AKAP13: variants seen among roughly 807,000 people sequenced by gnomAD.
The protein encoded by AKAP13 is A-kinase anchoring protein 13.
AKAP13 carries 80 observed loss-of-function variants against 264.5 expected under a neutral mutation model. The observed-to-expected ratio is 0.30, with a 90% CI of 0.25 to 0.36. The LOEUF (loss-of-function observed/expected upper bound fraction) is 0.36. Ranked by LOEUF, AKAP13 falls within the 10% of genes least tolerant of loss-of-function variation. The pLI is 1.00. For synonymous variants in AKAP13, 1,380 were observed against 1,250.2 expected (o/e 1.10, Z -2.19); for missense variants, 3,712 against 3,435.2 (o/e 1.08, Z -2.01).
In AKAP13 at chr15:85,655,890, T is replaced by A. The variant is rs996647877; in HGVS notation, c.4745+103T>A. The A allele has an allele frequency of 2.0e-6, 3 of 1,468,986 alleles. No individual in the cohort carries two copies. In the African/African-American group the frequency reaches 4.2e-5, roughly 21 times the overall value. The allele number at this position is 1,468,986 out of a possible 1,614,324, so 91.0% of individuals were successfully genotyped here. A position where few individuals can be genotyped will look rare whatever the true frequency, so the allele number is the denominator to read the frequency against. ...TAAAAGAATTTAGGAGACCCCATAGTATAGAAGAAAGAATATAGGCTTTGG... is the reference window on the plus strand; with the variant it reads ...TAAAAGAATTTAGGAGACCCCATAGAATAGAAGAAAGAATATAGGCTTTGG... On this transcript the variant is annotated intron_variant, in intron 11 of 36. Transcript: ENST00000394518.
intron 10 of AKAP13, among the ~76,000 whole-genome samples, chr15:85,650,772 A>AAAAAAAAAAAAAAAAAAAC (rs2082779786): frequency 7.0e-6 from 1 of 142,346 alleles, no homozygotes; most frequent in Non-Finnish European, 1.5e-5. Context: ...AAAAAAAAAA[A>AAAAAAAAAAAAAAAAAAAC]AAAAAAAAAA....
At chr15:85,412,111 CA>C (rs35481919) in intron 1 of AKAP13, among the ~76,000 whole-genome samples, 83,303 of 151,926 alleles carry the variant, frequency 0.55, 23,700 homozygotes, top group African/African-American at 0.66. Flanking sequence ...GATGTTACAG[CA>C]AAAATCATGC....
At chr15:85,531,591 T>C (rs2077243513) in intron 3 of AKAP13, among the ~76,000 whole-genome samples, 1 of 152,168 alleles carries the variant, frequency 6.6e-6, no homozygotes, top group African/African-American at 2.4e-5. Context: ...TTCAAAGAAA[T>C]ATTGCTTTTT....
At chr15:85,726,797 C>G (rs2087642498) in intron 27 of AKAP13, among the ~76,000 whole-genome samples, 1 of 152,230 alleles carries the variant, frequency 6.6e-6, no homozygotes. Flanking sequence ...ATATTGCTGA[C>G]TGGATTCTTT....
intron 3 of AKAP13, among the ~76,000 whole-genome samples, chr15:85,524,102 T>C (rs1403611792): frequency 1.3e-5 from 2 of 152,166 alleles, no homozygotes; most frequent in Non-Finnish European, 2.9e-5. Context: ...CTCTTTGTGC[T>C]TACGTGTGGG....
chr15:85,572,716 A>G (rs560241560), intron 5 of AKAP13, among the ~76,000 whole-genome samples: 1 of 151,846 alleles, frequency 6.6e-6, no homozygotes, highest in South Asian at 2.1e-4. Flanking sequence ...CATGTGTAGA[A>G]CGTGCAGGTT....
At chr15:85,437,491 A>T (rs1237552052) in intron 1 of AKAP13, among the ~76,000 whole-genome samples, 1 of 151,422 alleles carries the variant, frequency 6.6e-6, no homozygotes, top group East Asian at 2.0e-4. Context: ...TCATTCTGAT[A>T]CCAAAGCCGG....
At chr15:85,540,437 G>A (rs2077547303) in intron 4 of AKAP13, among the ~76,000 whole-genome samples, 1 of 152,210 alleles carries the variant, frequency 6.6e-6, no homozygotes, top group South Asian at 2.1e-4. Context: ...AAGGATGGAA[G>A]GGGAGTGAGT....
At chr15:85,618,334 T>C (rs2344440) in intron 8 of AKAP13, among the ~76,000 whole-genome samples, 30,920 of 152,132 alleles carry the variant, frequency 0.2, 4,163 homozygotes, top group Middle Eastern at 0.41. Context: ...GAAATGTAGG[T>C]GTTAAATCTC....
At chr15:85,455,339 T>C (rs910474039) in intron 1 of AKAP13, among the ~76,000 whole-genome samples, 1 of 152,184 alleles carries the variant, frequency 6.6e-6, no homozygotes, top group Non-Finnish European at 1.5e-5. Flanking sequence ...TATGAATTAC[T>C]CATTTTGCTT....
At chr15:85,434,139 C>T (rs1567054283) in intron 1 of AKAP13, among the ~76,000 whole-genome samples, 1 of 151,934 alleles carries the variant, frequency 6.6e-6, no homozygotes, top group African/African-American at 2.4e-5. Flanking sequence ...CGAAGCAGGG[C>T]GAGGCATTGC....
intron 1 of AKAP13, among the ~76,000 whole-genome samples, chr15:85,426,220 C>G (rs1469608768): frequency 6.6e-6 from 1 of 152,142 alleles, no homozygotes; most frequent in Non-Finnish European, 1.5e-5. Context: ...CTCACTTAGT[C>G]TAAATGTAAG....
intron 17 of AKAP13, among the ~76,000 whole-genome samples, chr15:85,694,830 T>C (rs938593685): frequency 5.3e-5 from 8 of 152,240 alleles, no homozygotes; most frequent in South Asian, 2.1e-4. Flanking sequence ...TCAGATGTTA[T>C]AGTGACGAAT....
At chr15:85,464,967 G>GCCTT (rs1296656705) in intron 1 of AKAP13, among the ~76,000 whole-genome samples, 2 of 152,060 alleles carry the variant, frequency 1.3e-5, no homozygotes, top group Non-Finnish European at 2.9e-5. Context: ...TTGAGATGGA[G>GCCTT]CCTTGCTCTG....
At chr15:85,690,104 G>A (rs2151630552) in intron 16 of AKAP13, 1 of 152,362 alleles carries the variant, frequency 6.6e-6, no homozygotes, top group South Asian at 2.1e-4. Context: ...AGCATGGGGA[G>A]GTAAGAGCCT....
chr15:85,442,457 TAA>T (rs2073706209), intron 1 of AKAP13, among the ~76,000 whole-genome samples: 1 of 121,932 alleles, frequency 8.2e-6, no homozygotes, highest in African/African-American at 3.0e-5. Context: ...TATACATATA[TAA>T]TATACATAAT....
chr15:85,445,617 C>T (rs2073871015), intron 1 of AKAP13, among the ~76,000 whole-genome samples: 1 of 152,156 alleles, frequency 6.6e-6, no homozygotes, highest in Non-Finnish European at 1.5e-5. Flanking sequence ...TTTCATAGCA[C>T]TGTGACTTAC....
intron 5 of AKAP13, among the ~76,000 whole-genome samples, chr15:85,553,483 C>T (rs188554673): frequency 2.8e-4 from 43 of 152,312 alleles, no homozygotes; most frequent in Non-Finnish European, 3.5e-4. Flanking sequence ...AGCCGGTGCA[C>T]TATCTCTTAA....
At chr15:85,540,598 A>G (rs2077552651) in intron 4 of AKAP13, among the ~76,000 whole-genome samples, 1 of 152,238 alleles carries the variant, frequency 6.6e-6, no homozygotes, top group Admixed American at 6.5e-5. Context: ...TGATGCAGAG[A>G]AAAGGGAACA....
Sources: gnomAD v4.1 joint callset for allele counts (sites outside exome capture counted in the v4.1 genomes callset) on GRCh38, gnomAD v4.1.1 for gene constraint, MANE v1.5 for transcripts, NCBI Gene and HGNC (gene_info 2026-07-23, HGNC 2026-07-21) for gene names.